The following CNTRL variants were observed in gnomAD, a reference collection of about 807,000 sequenced individuals.
The protein encoded by CNTRL is 110 kDa centrosomal protein.
Under a neutral mutation model 303.7 loss-of-function variants are expected in CNTRL, and 233 were observed. The observed-to-expected ratio is 0.77, with a 90% CI of 0.69 to 0.86. CNTRL has a LOEUF of 0.86. Ranked by LOEUF, CNTRL falls within the 40% of genes least tolerant of loss-of-function variation. The pLI is 0.00. For synonymous variants in CNTRL, 900 were observed against 922.2 expected, an observed-to-expected ratio of 0.98 and a Z score of 0.44; for missense variants, 2,524 against 2,650.6, an observed-to-expected ratio of 0.95 and a Z score of 1.05.
At chr9:121,081,726 G>A (rs954041045) in intron 2 of CNTRL, among the ~76,000 whole-genome samples, 4 of 152,242 alleles carry the variant, frequency 2.6e-5, no homozygotes, top group African/African-American at 9.6e-5. Flanking sequence ...TCGCCAGCAT[G>A]CCATCTTCCA....
chr9:121,080,042 A>G (rs999742270), intron 1 of CNTRL, among the ~76,000 whole-genome samples: 1 of 152,142 alleles, frequency 6.6e-6, no homozygotes, highest in African/African-American at 2.4e-5. Flanking sequence ...TAGGCCATAG[A>G]GAACAAAGGA....
At position 121,159,037 on chromosome 9, in the gene CNTRL, G is replaced by A. The variant is rs749775903; in HGVS notation, c.4929+18G>A. ...ACATTAGGGTGTGTTTTTTATTAGG[G>A]TTTTCTGAAGAGTCGTAGGACAGTG... On this transcript the variant is annotated intron_variant, in intron 31 of 43. Coordinates refer to ENST00000373855, the MANE Select transcript of CNTRL (RefSeq NM_007018.6). The A allele has an allele frequency of 3.7e-6, 6 of 1,610,820 alleles. No individual in the cohort carries two copies. Among genetic ancestry groups the A allele is most frequent in the Non-Finnish European group, 5.1e-6 (6 of 1,178,012 alleles).
In CNTRL at chr9:121,146,174, A is replaced by G. The variant is rs143318973; in HGVS notation, c.3377A>G (p.Gln1126Arg). 2 of 1,613,820 alleles carry G rather than the reference A, an allele frequency of 1.2e-6. No individual in the cohort carries two copies. Among genetic ancestry groups the G allele is most frequent in the South Asian group, 1.1e-5 (1 of 90,898 alleles). Reference protein sequence around the residue: ...IAELRREVSYQNDYISSMADP... With the variant: ...IAELRREVSYRNDYISSMADP... Reference sequence around the variant, plus strand: ...GAACTTCGACGTGAAGTTTCTTATCAGAATGATTACATAAGCAGCATGGCA... The same window carrying G: ...GAACTTCGACGTGAAGTTTCTTATCGGAATGATTACATAAGCAGCATGGCA... The change falls in exon 23 of 44, where the codon CAG becomes CGG. Residue 1126 changes from glutamine (Q) to arginine (R), a missense_variant. Transcript: ENST00000373855.
At chr9:121,144,285 C>T (rs2051701835) in intron 20 of CNTRL, among the ~76,000 whole-genome samples, 2 of 152,306 alleles carry the variant, frequency 1.3e-5, no homozygotes, top group South Asian at 4.1e-4. Flanking sequence ...ATACTGCGTT[C>T]TACTGAGCCC....
At chr9:121,150,604 C>A in intron 25 of CNTRL, 121 bp downstream of exon 25, 1 of 934,820 alleles carries the variant, frequency 1.1e-6, no homozygotes, top group Non-Finnish European at 1.6e-6. Flanking sequence ...GTTTGTAAGG[C>A]TGATGTTTAG....
At chr9:121,126,993 T>C (rs2050567442) in intron 14 of CNTRL, among the ~76,000 whole-genome samples, 1 of 152,102 alleles carries the variant, frequency 6.6e-6, no homozygotes, top group Admixed American at 6.5e-5. Context: ...GCTAATTTTG[T>C]ATTTTTAGTA....
chr9:121,142,269 A>C lies in CNTRL; in HGVS notation c.2870A>C (p.Lys957Thr), dbSNP rs1325294257. ...ILAQLRELEK[K>T]KKLEDAKSQE... ...GCCCAACTCCGAGAGTTAGAGAAAA[A>C]GGTAGGGGAGACTTAGAAAATGAGA... The change falls in exon 19 of 44, where the codon AAG becomes ACG. Residue 957 changes from lysine to threonine, a missense_variant and splice_region_variant. Physicochemically the swap from Lys to Thr is moderately conservative, Grantham distance 78. Transcript: ENST00000373855. 6 of 1,591,502 alleles carry C rather than the reference A, an allele frequency of 3.8e-6. No individual in the cohort carries two copies. The highest frequency in any genetic ancestry group is 1.4e-5 in the African/African-American group (1 of 73,152).
intron 14 of CNTRL, among the ~76,000 whole-genome samples, chr9:121,127,717 C>T (rs2050610258): frequency 1.3e-5 from 2 of 151,978 alleles, no homozygotes; most frequent in Admixed American, 1.3e-4. Context: ...CATAGGTATA[C>T]ATGTTTCACG....
At chr9:121,105,644 G>A (rs532668821) in intron 7 of CNTRL, among the ~76,000 whole-genome samples, 2 of 152,214 alleles carry the variant, frequency 1.3e-5, no homozygotes, top group Admixed American at 6.5e-5. Flanking sequence ...AGCAAGGTAG[G>A]AGAAAACCAG....
At chr9:121,155,468 G>A (rs756111937) in intron 27 of CNTRL, among the ~76,000 whole-genome samples, 15 of 152,050 alleles carry the variant, frequency 9.9e-5, no homozygotes, top group Non-Finnish European at 1.6e-4. Context: ...TGCAACCTCC[G>A]CCTCCCGGGT....
intron 26 of CNTRL, among the ~76,000 whole-genome samples, chr9:121,153,919 A>T (rs181706648): frequency 4.6e-5 from 7 of 152,322 alleles, no homozygotes; most frequent in Admixed American, 4.6e-4. Context: ...AAGGTTAGGC[A>T]GATGGTTATG....
At position 121,143,833 on chromosome 9, in the gene CNTRL, C is replaced by G. The variant is rs143536769; in HGVS notation, c.2872-70C>G. The G allele has an allele frequency of 5.3e-4, 676 of 1,283,226 alleles. 4 individuals are homozygous for G. The African/African-American group carries it at 8.9e-3, about 17-fold the overall frequency. 79.5% of individuals were successfully genotyped at this position (1,283,226 alleles called of 1,614,324 possible). ...AGCAGTGAACAGAGTCCCTACCCTC[C>G]TGGAGCTTACATCTGAATTCATTCC... On this transcript the variant is annotated intron_variant, in intron 19 of 43. Transcript: ENST00000373855.
chr9:121,171,640 G>C, intron 40 of CNTRL, 92 bp downstream of exon 40: 3 of 1,300,060 alleles, frequency 2.3e-6, no homozygotes, highest in Non-Finnish European at 3.1e-6. Context: ...CCCTTCTATA[G>C]TAGTATAGAA....
intron 26 of CNTRL, 125 bp downstream of exon 26, chr9:121,152,818 G>T: frequency 2.7e-6 from 2 of 729,538 alleles, no homozygotes; most frequent in Non-Finnish European, 2.2e-6. Flanking sequence ...CACTAGCTCA[G>T]TGTGGCTGTT....
intron 2 of CNTRL, among the ~76,000 whole-genome samples, chr9:121,084,796 A>C (rs569236656): frequency 6.6e-6 from 1 of 152,116 alleles, no homozygotes; most frequent in Non-Finnish European, 1.5e-5. Flanking sequence ...TGCCCGCCTC[A>C]GCCTCTCAAA....
In CNTRL at chr9:121,145,341, C is replaced by T. The variant is rs2051784610; in HGVS notation, c.3266C>T (p.Thr1089Ile). The change falls in exon 22 of 44, where the codon ACA becomes ATA. Residue 1089 changes from threonine (T) to isoleucine (I), a missense_variant. Coordinates refer to ENST00000373855, the MANE Select transcript of CNTRL (RefSeq NM_007018.6). ...AATGAGACAATGGAACGACAAAGGA[C>T]AGAGATTGCAAGGCTGCAGAATGTA... The part of the protein sequence containing the change: ...KLNETMERQR[T>I]EIARLQNVLD... 6 of 1,613,912 alleles carry T rather than the reference C, an allele frequency of 3.7e-6. No homozygotes were observed. Among genetic ancestry groups the T allele is most frequent in the Non-Finnish European group, 5.1e-6 (6 of 1,179,944 alleles).
chr9:121,149,935 C>T (rs971567136), intron 24 of CNTRL, among the ~76,000 whole-genome samples: 1 of 152,122 alleles, frequency 6.6e-6, no homozygotes, highest in Non-Finnish European at 1.5e-5. Flanking sequence ...AATGCAGAAA[C>T]AAACCAACAG....
Position 121,118,435 on chromosome 9 carries a change from A to G in CNTRL, c.1545A>G (p.Leu515=). 1 of 1,613,654 alleles carries G rather than the reference A, an allele frequency of 6.2e-7. No homozygotes were observed. Among genetic ancestry groups the G allele is most frequent in the South Asian group, 1.1e-5 (1 of 91,012 alleles). Residue 515 remains leucine, a synonymous_variant, in exon 12 of 44, where the codon CTA becomes CTG. Transcript: ENST00000373855. The part of the protein sequence containing the change: ...VNKLRQEALD[L]ELQMEKQKQE... Reference sequence around the variant, plus strand: ...AATTACGCCAGGAAGCTCTGGATCTAGAACTGCAGATGGAAAAGCAAAAGC... The same window carrying G: ...AATTACGCCAGGAAGCTCTGGATCTGGAACTGCAGATGGAAAAGCAAAAGC...
intron 16 of CNTRL, 24 bp downstream of exon 16, chr9:121,138,703 A>G (rs2133930958): frequency 6.2e-7 from 1 of 1,607,206 alleles, no homozygotes; most frequent in Non-Finnish European, 8.5e-7. Flanking sequence ...GTTTTAGAAT[A>G]CATTCTTACA....
Sources: gnomAD v4.1 joint callset for allele counts (sites outside exome capture counted in the v4.1 genomes callset) on GRCh38, gnomAD v4.1.1 for gene constraint, MANE v1.5 for transcripts, NCBI Gene and HGNC (gene_info 2026-07-23, HGNC 2026-07-21) for gene names.